The following AGBL4 variants were observed in gnomAD, a reference collection of about 807,000 sequenced individuals.
AGBL4 encodes the protein AGBL carboxypeptidase 4, also known as cytosolic carboxypeptidase 6.
AGBL4 carries 58 observed loss-of-function variants against 66.4 expected under a neutral mutation model. That is an observed-to-expected ratio of 0.87 (90% CI 0.71 to 1.09). AGBL4 has a LOEUF of 1.09. Among genes scored for constraint, AGBL4 ranks in the 50% least tolerant of loss-of-function variants. The pLI, the probability that AGBL4 is intolerant of heterozygous loss-of-function variation, is 0.00. For missense variants in AGBL4, 579 were observed against 631.0 expected (o/e 0.92, Z 0.88); for synonymous variants, 234 against 222.9 (o/e 1.05, Z -0.44).
chr1:49,611,867 A>C (rs761680023), intron 3 of AGBL4, among the ~76,000 whole-genome samples: 2 of 152,224 alleles, frequency 1.3e-5, no homozygotes, highest in Non-Finnish European at 2.9e-5. Flanking sequence ...ATTTCTCAGG[A>C]AATATTTTTA....
At chr1:48,853,561 C>T (rs1647078919) in intron 6 of AGBL4, among the ~76,000 whole-genome samples, 1 of 152,118 alleles carries the variant, frequency 6.6e-6, no homozygotes, top group Admixed American at 6.5e-5. Context: ...TACTATCTTG[C>T]TTTTTTATAA....
chr1:48,843,053 T>C (rs1302487830), intron 6 of AGBL4, among the ~76,000 whole-genome samples: 1 of 152,122 alleles, frequency 6.6e-6, no homozygotes, highest in Non-Finnish European at 1.5e-5. Flanking sequence ...TTAATGAGTG[T>C]ATGTAGAATT....
At chr1:49,960,329 A>G (rs1657014495) in intron 1 of AGBL4, among the ~76,000 whole-genome samples, 1 of 152,072 alleles carries the variant, frequency 6.6e-6, no homozygotes, top group African/African-American at 2.4e-5. Flanking sequence ...AAAATTAAAC[A>G]CCACATGTTC....
Position 49,679,379 on chromosome 1 carries a change from TTGTG to T in AGBL4, c.282+17930_282+17933del, listed in dbSNP as rs557115394. On this transcript the variant is annotated intron_variant, in intron 3 of 13. Coordinates refer to ENST00000371839, the MANE Select transcript of AGBL4 (RefSeq NM_032785.4). ...TATTATAACCAAGGTGTGTGTGTGC[TTGTG>T]TGTGTATGTTTGCATGTGTGTGTGT... Among the ~76,000 whole-genome samples, 393 of 151,912 alleles carry T rather than the reference TTGTG, an allele frequency of 2.6e-3. 1 individual carries two copies. Among genetic ancestry groups the T allele is most frequent in the African/African-American group, 9.2e-3 (380 of 41,490 alleles).
intron 3 of AGBL4, among the ~76,000 whole-genome samples, chr1:49,491,970 ATAAC>A (rs1275085012): frequency 1.3e-5 from 2 of 152,084 alleles, no homozygotes; most frequent in East Asian, 3.9e-4. Flanking sequence ...ATTAACAGCA[ATAAC>A]TAATAATAAA....
chr1:49,555,673 A>G (rs1244329518), intron 3 of AGBL4, among the ~76,000 whole-genome samples: 4 of 151,026 alleles, frequency 2.6e-5, no homozygotes, highest in African/African-American at 9.7e-5. Context: ...AAAGAACTCA[A>G]ACAAATTTAC....
At chr1:49,501,705 T>A (rs769490973) in intron 3 of AGBL4, among the ~76,000 whole-genome samples, 4 of 151,986 alleles carry the variant, frequency 2.6e-5, no homozygotes, top group Non-Finnish European at 4.4e-5. Context: ...ATATTAGGTG[T>A]TTATTTGAGA....
chr1:49,668,583 C>A (rs1025264586), intron 3 of AGBL4, among the ~76,000 whole-genome samples: 2 of 152,068 alleles, frequency 1.3e-5, no homozygotes, highest in African/African-American at 4.8e-5. Context: ...CCAGTAACTG[C>A]CTAATGTTTC....
At chr1:49,594,997 A>G (rs1644824887) in intron 3 of AGBL4, among the ~76,000 whole-genome samples, 1 of 152,182 alleles carries the variant, frequency 6.6e-6, no homozygotes, top group Non-Finnish European at 1.5e-5. Flanking sequence ...ACAGTTTAAA[A>G]GCGTTCCTAT....
chr1:49,194,742 T>C (rs1425660838), intron 4 of AGBL4, among the ~76,000 whole-genome samples: 2 of 152,176 alleles, frequency 1.3e-5, no homozygotes, highest in Admixed American at 6.6e-5. Context: ...GTTTACTTTT[T>C]TGTGGAGCAG....
intron 3 of AGBL4, among the ~76,000 whole-genome samples, chr1:49,482,824 T>C (rs1033441817): frequency 2.3e-4 from 35 of 152,240 alleles, no homozygotes; most frequent in African/African-American, 7.9e-4. Context: ...TGTTGTATCT[T>C]TGTTCTCATT....
chr1:48,874,303 C>T (rs1649007429), intron 5 of AGBL4, among the ~76,000 whole-genome samples: 2 of 146,090 alleles, frequency 1.4e-5, no homozygotes, highest in Admixed American at 1.4e-4. Context: ...TCTAGGGATC[C>T]CATGCCCTGC....
chr1:48,621,821 A>ATT (rs879342417), intron 9 of AGBL4, among the ~76,000 whole-genome samples: 1 of 144,852 alleles, frequency 6.9e-6, no homozygotes, highest in African/African-American at 2.5e-5. Flanking sequence ...TTCTGTGGCC[A>ATT]TTTTTTTTTT....
intron 3 of AGBL4, among the ~76,000 whole-genome samples, chr1:49,393,797 A>T (rs1022543492): frequency 6.6e-6 from 1 of 152,162 alleles, no homozygotes; most frequent in African/African-American, 2.4e-5. Context: ...GTGCATTGTG[A>T]TGTAGGGAGA....
intron 1 of AGBL4, among the ~76,000 whole-genome samples, chr1:49,998,184 A>G (rs1243485071): frequency 6.6e-6 from 1 of 152,076 alleles, no homozygotes; most frequent in Non-Finnish European, 1.5e-5. Context: ...GAAATTGATT[A>G]TTAGTGAGAT....
chr1:49,656,171 G>T (rs1258638178), intron 3 of AGBL4, among the ~76,000 whole-genome samples: 1 of 151,666 alleles, frequency 6.6e-6, no homozygotes, highest in African/African-American at 2.4e-5. Flanking sequence ...TGATAAAGGG[G>T]ATCCCACCAC....
chr1:49,881,182 T>C (rs568714678), intron 1 of AGBL4, among the ~76,000 whole-genome samples: 77 of 152,252 alleles, frequency 5.1e-4, no homozygotes, highest in African/African-American at 1.5e-3. Flanking sequence ...CTTGATGATT[T>C]CCAATTTCAT....
At chr1:49,359,288 C>A (rs902909196) in intron 3 of AGBL4, among the ~76,000 whole-genome samples, 1 of 152,128 alleles carries the variant, frequency 6.6e-6, no homozygotes, top group African/African-American at 2.4e-5. Context: ...CCATAAATAG[C>A]AGCTCAGACA....
intron 12 of AGBL4, among the ~76,000 whole-genome samples, chr1:48,539,056 C>T (rs1317062150): frequency 6.6e-6 from 1 of 152,234 alleles, no homozygotes; most frequent in Non-Finnish European, 1.5e-5. Context: ...AGGATGGAGG[C>T]TCACCTCCTG....
Sources: gnomAD v4.1 joint callset for allele counts (sites outside exome capture counted in the v4.1 genomes callset) on GRCh38, gnomAD v4.1.1 for gene constraint, MANE v1.5 for transcripts, NCBI Gene and HGNC (gene_info 2026-07-23, HGNC 2026-07-21) for gene names.